Variants in HNRNPA0 observed in about 807,000 individuals in gnomAD.
HNRNPA0 encodes heterogeneous nuclear ribonucleoprotein A0.
For missense variants in HNRNPA0, 252 were observed against 433.7 expected, an observed-to-expected ratio of 0.58 and a Z score of 3.72; for synonymous variants, 243 against 195.5, an observed-to-expected ratio of 1.24 and a Z score of -2.03.
Position 137,753,595 on chromosome 5 carries a change from C to T in HNRNPA0, c.472G>A (p.Val158Ile). ...NHDAADKAAV[V>I]KFHPIQGHRV... Reference sequence around the variant, plus strand: ...TGGCCCTGAATCGGATGGAACTTGACCACCGCGGCCTTGTCTGCCGCGTCG... The same window carrying T: ...TGGCCCTGAATCGGATGGAACTTGATCACCGCGGCCTTGTCTGCCGCGTCG... Residue 158 changes from valine (V) to isoleucine (I), a missense_variant, in exon 1 of 1, where the codon GTC (valine) becomes ATC (isoleucine). Coordinates refer to ENST00000314940, the MANE Select transcript of HNRNPA0 (RefSeq NM_006805.4). The surrounding 1 kb of genome is among the most constrained non-coding windows in gnomAD (Gnocchi z 6.1). 6.2e-7 allele frequency: 1 copy of T among 1,614,160 alleles called. No individual in the cohort carries two copies. Among genetic ancestry groups the T allele is most frequent in the South Asian group, 1.1e-5 (1 of 91,086 alleles).
Position 137,747,565 on chromosome 5 carries a change from C to G in HNRNPA0, c.*5584G>C, listed in dbSNP as rs1199643374. 6.6e-6 allele frequency: 1 copy of G among 152,182 alleles called. No individual in the cohort carries two copies. Among genetic ancestry groups the G allele is most frequent in the East Asian group, 1.9e-4 (1 of 5,200 alleles). 9.4% of individuals were successfully genotyped at this position (152,182 alleles called of 1,614,324 possible). ...TATATCCAAATATTTGTCAATTATG[C>G]TTTCACAACTTACCTCAACTTCTTT... is the stretch of plus-strand genomic sequence containing the variant. On this transcript the variant is annotated 3_prime_UTR_variant, in exon 1 of 1. Transcript: ENST00000314940.
In HNRNPA0 at chr5:137,751,514, T is replaced by C. The variant is rs1228851168; in HGVS notation, c.*1635A>G. On this transcript the variant is annotated 3_prime_UTR_variant, in exon 1 of 1. Transcript: ENST00000314940. ...AATATTAACATCAAGTTAAGCATAC[T>C]AGATTAAAAGGTACTCTGAACCCAC... 6.8e-6 allele frequency: 1 copy of C among 147,442 alleles called. No homozygotes were observed. The highest frequency in any genetic ancestry group is 1.5e-5 in the Non-Finnish European group (1 of 67,008). The allele number at this position is 147,442 out of a possible 1,614,324, so 9.1% of individuals were successfully genotyped here. A position where few individuals can be genotyped will look rare whatever the true frequency, so the allele number is the denominator to read the frequency against.
chr5:137,754,326 G>C lies in HNRNPA0; in HGVS notation c.-260C>G. 1 of 498,424 alleles carries C rather than the reference G, an allele frequency of 2.0e-6. No homozygotes were observed. Among genetic ancestry groups the C allele is most frequent in the Non-Finnish European group, 3.7e-6 (1 of 272,032 alleles). 30.9% of individuals were successfully genotyped at this position (498,424 alleles called of 1,614,324 possible). A position where few individuals can be genotyped will look rare whatever the true frequency, so the allele number is the denominator to read the frequency against. ...CAAGGCCACCGCTACCGCCGCCGCC[G>C]CCACCTCCGCTCCCCTATCTGGGCA... On this transcript the variant is annotated 5_prime_UTR_variant, in exon 1 of 1. Transcript: ENST00000314940.
Position 137,754,241 on chromosome 5 carries a change from A to C in HNRNPA0, c.-175T>G. 18 of 759,238 alleles carry C rather than the reference A, an allele frequency of 2.4e-5. No individual in the cohort carries two copies. Among genetic ancestry groups the C allele is most frequent in the East Asian group, 6.0e-5 (2 of 33,442 alleles). The allele number at this position is 759,238 out of a possible 1,614,324, so 47.0% of individuals were successfully genotyped here. Reference sequence around the variant, plus strand: ...GGGGAGGGAAGGAAGGAAGAGAGGAAGGGGGAGGGAAGGGGAGCGGTGCCG... The same window carrying C: ...GGGGAGGGAAGGAAGGAAGAGAGGACGGGGGAGGGAAGGGGAGCGGTGCCG... On this transcript the variant is annotated 5_prime_UTR_variant, in exon 1 of 1. Coordinates refer to ENST00000314940, the MANE Select transcript of HNRNPA0 (RefSeq NM_006805.4).
rs1354931175 is a variant in HNRNPA0 at position 137,752,871 on chromosome 5, G to T, written c.*278C>A. On this transcript the variant is annotated 3_prime_UTR_variant, in exon 1 of 1. Transcript: ENST00000314940. ...CAAGACATTTTGCTAGTATAAAAAC[G>T]ACCAAGGTCCAAGTAATAATAAAAA... 7 of 285,892 alleles carry T rather than the reference G, an allele frequency of 2.4e-5. No homozygotes were observed. Among genetic ancestry groups the T allele is most frequent in the Non-Finnish European group, 3.8e-5 (6 of 157,962 alleles). The allele number at this position is 285,892 out of a possible 1,614,324, so 17.7% of individuals were successfully genotyped here.
At position 137,750,490 on chromosome 5, in the gene HNRNPA0, A is replaced by G. The variant is rs1456670072; in HGVS notation, c.*2659T>C. 1 of 152,210 alleles carries G rather than the reference A, an allele frequency of 6.6e-6. No homozygotes were observed. The highest frequency in any genetic ancestry group is 1.5e-5 in the Non-Finnish European group (1 of 68,020). 9.4% of individuals were successfully genotyped at this position (152,210 alleles called of 1,614,324 possible). A position where few individuals can be genotyped will look rare whatever the true frequency, so the allele number is the denominator to read the frequency against. ...TTGCTAATCCGTCAAAATACATTCA[A>G]GCATGGCACAAAAATTATATTCAAC... On this transcript the variant is annotated 3_prime_UTR_variant, in exon 1 of 1. Coordinates refer to ENST00000314940, the MANE Select transcript of HNRNPA0 (RefSeq NM_006805.4).
rs1753495802 is a variant in HNRNPA0 at position 137,751,416 on chromosome 5, C to A, written c.*1733G>T. The A allele has an allele frequency of 6.7e-6, 1 of 149,558 alleles. No individual in the cohort carries two copies. Among genetic ancestry groups the A allele is most frequent in the South Asian group, 2.1e-4 (1 of 4,662 alleles). The allele number at this position is 149,558 out of a possible 1,614,324, so 9.3% of individuals were successfully genotyped here. ...TTAAAATATTATTTTATTTTAAAGC[C>A]CAATCTTTCAGAAAGCTTCTTAGTA... is the stretch of plus-strand genomic sequence containing the variant. On this transcript the variant is annotated 3_prime_UTR_variant, in exon 1 of 1. Transcript: ENST00000314940.
In HNRNPA0 at chr5:137,752,985, A is replaced by G; in HGVS notation, c.*164T>C. The G allele has an allele frequency of 1.5e-6, 1 of 648,250 alleles. No individual in the cohort carries two copies. The highest frequency in any genetic ancestry group is 2.5e-6 in the Non-Finnish European group (1 of 393,016). 40.2% of individuals were successfully genotyped at this position (648,250 alleles called of 1,614,324 possible). On this transcript the variant is annotated 3_prime_UTR_variant, in exon 1 of 1. Coordinates refer to ENST00000314940, the MANE Select transcript of HNRNPA0 (RefSeq NM_006805.4). ...GGAGAGACAAGAGAGGTGGCAGGCAAATAGAGGAACACCCCCAAGGGTAAG... is the reference window on the plus strand; with the variant it reads ...GGAGAGACAAGAGAGGTGGCAGGCAGATAGAGGAACACCCCCAAGGGTAAG...
In HNRNPA0 at chr5:137,749,312, T is replaced by C. The variant is rs1753458195; in HGVS notation, c.*3837A>G. ...CAGTTAAGAATAACTACCAAAGGTG[T>C]CTTCCTGAATCCTTTCCCTCTCTGA... On this transcript the variant is annotated 3_prime_UTR_variant, in exon 1 of 1. Transcript: ENST00000314940. The C allele has an allele frequency of 6.6e-6, 1 of 152,188 alleles. No individual in the cohort carries two copies. The highest frequency in any genetic ancestry group is 2.4e-5 in the African/African-American group (1 of 41,454). The allele number at this position is 152,188 out of a possible 1,614,324, so 9.4% of individuals were successfully genotyped here. A position where few individuals can be genotyped will look rare whatever the true frequency, so the allele number is the denominator to read the frequency against.
In HNRNPA0 at chr5:137,748,811, TAC is replaced by T. The variant is rs1391185664; in HGVS notation, c.*4336_*4337del. ...TGCAACGTAAGCATCAAAGACAAAA[TAC>T]ACCTTTGATTTCTAAAAAGTAATCA... On this transcript the variant is annotated 3_prime_UTR_variant, in exon 1 of 1. Transcript: ENST00000314940. 2.0e-5 allele frequency: 3 copies of T among 152,102 alleles called. No homozygotes were observed. The highest frequency in any genetic ancestry group is 7.2e-5 in the African/African-American group (3 of 41,412). 9.4% of individuals were successfully genotyped at this position (152,102 alleles called of 1,614,324 possible).
rs1364855402 is a variant in HNRNPA0 at position 137,747,032 on chromosome 5, G to A, written c.*6117C>T. ...TTTTAATAAAAGGAACTATTTACAA[G>A]GGTATGGGCACAGTTAAGGCAAATC... On this transcript the variant is annotated 3_prime_UTR_variant, in exon 1 of 1. Transcript: ENST00000314940. The A allele has an allele frequency of 2.0e-5, 3 of 152,126 alleles. No homozygotes were observed. The highest frequency in any genetic ancestry group is 4.4e-5 in the Non-Finnish European group (3 of 68,014). 9.4% of individuals were successfully genotyped at this position (152,126 alleles called of 1,614,324 possible).
Position 137,748,751 on chromosome 5 carries a change from T to C in HNRNPA0, c.*4398A>G, listed in dbSNP as rs1466100348. On this transcript the variant is annotated 3_prime_UTR_variant, in exon 1 of 1. Transcript: ENST00000314940. ...TTACGTCCTTAAGGGCTATGAAATA[T>C]TAAATCAGATACCCACTATGAAGCA... 6.6e-6 allele frequency: 1 copy of C among 152,160 alleles called. No individual in the cohort carries two copies. The highest frequency in any genetic ancestry group is 2.4e-5 in the African/African-American group (1 of 41,436). 9.4% of individuals were successfully genotyped at this position (152,160 alleles called of 1,614,324 possible). A position where few individuals can be genotyped will look rare whatever the true frequency, so the allele number is the denominator to read the frequency against.
In HNRNPA0 at chr5:137,753,065, G is replaced by C. The variant is rs1753534254; in HGVS notation, c.*84C>G. The C allele has an allele frequency of 7.2e-7, 1 of 1,395,670 alleles. No homozygotes were observed. The highest frequency in any genetic ancestry group is 1.4e-5 in the African/African-American group (1 of 69,636). The allele number at this position is 1,395,670 out of a possible 1,614,324, so 86.5% of individuals were successfully genotyped here. ...AAACAGGGAAGGCGGTGTGTGTGAG[G>C]GGGTGGGGCTTAGGAGTTGACCCCA... On this transcript the variant is annotated 3_prime_UTR_variant, in exon 1 of 1. Transcript: ENST00000314940. The surrounding 1 kb of genome is among the most constrained non-coding windows in gnomAD (Gnocchi z 6.1).
chr5:137,753,284 A>C lies in HNRNPA0; in HGVS notation c.783T>G (p.His261Gln), dbSNP rs756360076. ...TCTTCATGGGCCCATAGGAGGACTG[A>C]TGCTGGCTGTAGCTGCCGAAGCCGC... ...GFGGFGSYSQ[H>Q]QSSYGPMKSG... Residue 261 changes from histidine (H) to glutamine (Q), a missense_variant, in exon 1 of 1, where the codon CAT (histidine) becomes CAG (glutamine). His to Gln is a conservative substitution (Grantham distance 24). Transcript: ENST00000314940. The surrounding 1 kb of genome is among the most constrained non-coding windows in gnomAD (Gnocchi z 6.1). 1.3e-6 allele frequency: 2 copies of C among 1,595,152 alleles called. No individual in the cohort carries two copies. Among genetic ancestry groups the C allele is most frequent in the Non-Finnish European group, 8.5e-7 (1 of 1,171,488 alleles).
Position 137,753,215 on chromosome 5 carries a change from G to A in HNRNPA0, c.852C>T (p.Arg284=), listed in dbSNP as rs1267998446. 1.9e-6 allele frequency: 3 copies of A among 1,613,090 alleles called. No individual in the cohort carries two copies. Among genetic ancestry groups the A allele is most frequent in the Non-Finnish European group, 2.5e-6 (3 of 1,179,844 alleles). The change falls in exon 1 of 1, where the codon CGC becomes CGT. Residue 284 remains arginine, a synonymous_variant. Coordinates refer to ENST00000314940, the MANE Select transcript of HNRNPA0 (RefSeq NM_006805.4). This position sits in a 1 kb window ranked among gnomAD's most constrained non-coding sequence, Gnocchi z 6.1. The stretch of plus-strand genomic sequence containing the variant: ...CGCCTCTGTAAGGTCCACTATTACT[G>A]CGACCGCCCCAGCTACTGCCTCCAC... ...GGGGGSSWGG[R]SNSGPYRGGY...
chr5:137,753,113 C>T lies in HNRNPA0; in HGVS notation c.*36G>A. On this transcript the variant is annotated 3_prime_UTR_variant, in exon 1 of 1. Transcript: ENST00000314940. The surrounding 1 kb of genome is among the most constrained non-coding windows in gnomAD (Gnocchi z 6.1). ...CCACTTGGGCTGTTGGAAAGAGCTA[C>T]CCCTATAGCCACTCCCAGGCATTTT... 2 of 1,579,978 alleles carry T rather than the reference C, an allele frequency of 1.3e-6. No homozygotes were observed. Among genetic ancestry groups the T allele is most frequent in the Non-Finnish European group, 1.7e-6 (2 of 1,160,804 alleles).
In HNRNPA0 at chr5:137,754,342, T is replaced by C; in HGVS notation, c.-276A>G. Reference sequence around the variant, plus strand: ...GCCGCCGCCGCCACCTCCGCTCCCCTATCTGGGCACCACACAAAGAGGCCG... The same window carrying C: ...GCCGCCGCCGCCACCTCCGCTCCCCCATCTGGGCACCACACAAAGAGGCCG... On this transcript the variant is annotated 5_prime_UTR_variant, in exon 1 of 1. The change creates a new upstream start codon in the 5' untranslated region. Coordinates refer to ENST00000314940, the MANE Select transcript of HNRNPA0 (RefSeq NM_006805.4). 2 of 468,138 alleles carry C rather than the reference T, an allele frequency of 4.3e-6. No individual in the cohort carries two copies. Among genetic ancestry groups the C allele is most frequent in the Admixed American group, 3.7e-5 (1 of 26,832 alleles). The allele number at this position is 468,138 out of a possible 1,614,324, so 29.0% of individuals were successfully genotyped here.
At position 137,749,657 on chromosome 5, in the gene HNRNPA0, G is replaced by C. The variant is rs1753464690; in HGVS notation, c.*3492C>G. On this transcript the variant is annotated 3_prime_UTR_variant, in exon 1 of 1. Coordinates refer to ENST00000314940, the MANE Select transcript of HNRNPA0 (RefSeq NM_006805.4). ...CAATAAATTGGTTACGATGGAGAAA[G>C]ACACTTAGCCTAAGTGCAAGTGCTG... 6.6e-6 allele frequency: 1 copy of C among 152,156 alleles called. No individual in the cohort carries two copies. The highest frequency in any genetic ancestry group is 1.5e-5 in the Non-Finnish European group (1 of 67,992). 9.4% of individuals were successfully genotyped at this position (152,156 alleles called of 1,614,324 possible). A position where few individuals can be genotyped will look rare whatever the true frequency, so the allele number is the denominator to read the frequency against.
At position 137,749,994 on chromosome 5, in the gene HNRNPA0, G is replaced by A. The variant is rs140904407; in HGVS notation, c.*3155C>T. The A allele has an allele frequency of 3.3e-5, 5 of 152,140 alleles. No individual in the cohort carries two copies. The highest frequency in any genetic ancestry group is 2.1e-4 in the South Asian group (1 of 4,828). The allele number at this position is 152,140 out of a possible 1,614,324, so 9.4% of individuals were successfully genotyped here. Reference sequence around the variant, plus strand: ...TCACTAAGTTAAAAATGGATGAATGGGTACAATCAGTATAGTCATTCTGAT... The same window carrying A: ...TCACTAAGTTAAAAATGGATGAATGAGTACAATCAGTATAGTCATTCTGAT... On this transcript the variant is annotated 3_prime_UTR_variant, in exon 1 of 1. Transcript: ENST00000314940.
Sources: allele counts gnomAD v4.1 joint callset, GRCh38; gene constraint gnomAD v4.1.1; non-coding constraint Gnocchi (gnomAD v3.1); transcripts MANE v1.5; gene names NCBI Gene and HGNC (gene_info 2026-07-23, HGNC 2026-07-21).